Variants in SGCZ observed in about 807,000 individuals in gnomAD.
SGCZ encodes zeta-sarcoglycan.
Under a neutral mutation model 41.3 loss-of-function variants are expected in SGCZ, and 40 were observed. The ratio of observed to expected loss-of-function variants is 0.97; its 90% confidence interval spans 0.75 to 1.26. The LOEUF (loss-of-function observed/expected upper bound fraction) is 1.26, where lower values mean the gene tolerates loss of function less well. Among genes scored for constraint, SGCZ ranks in the 50% most tolerant of loss-of-function variants. The probability of loss-of-function intolerance (pLI) is 0.00; values close to 1 mark genes in which losing one functional copy is unlikely to be tolerated. For synonymous variants in SGCZ, 206 were observed against 137.5 expected (o/e 1.50, Z -3.49); for missense variants, 552 against 369.8 (o/e 1.49, Z -4.04).
chr8:14,586,004 G>C (rs1805045310), intron 1 of SGCZ, among the ~76,000 whole-genome samples: 1 of 151,916 alleles, frequency 6.6e-6, no homozygotes, highest in African/African-American at 2.4e-5. Context: ...AAAAAGAATG[G>C]GGGCAATCAT....
intron 4 of SGCZ, among the ~76,000 whole-genome samples, chr8:14,215,590 A>G (rs1483833350): frequency 6.6e-6 from 1 of 152,106 alleles, no homozygotes; most frequent in Non-Finnish European, 1.5e-5. Flanking sequence ...AATTTAAGCC[A>G]TTCAAGATTT....
At chr8:14,969,806 C>T (rs577617788) in intron 1 of SGCZ, among the ~76,000 whole-genome samples, 1 of 151,910 alleles carries the variant, frequency 6.6e-6, no homozygotes, top group South Asian at 2.1e-4. Context: ...CATAAGTTGG[C>T]GCTACTGCAA....
chr8:14,783,111 A>G (rs1800641088), intron 1 of SGCZ, among the ~76,000 whole-genome samples: 1 of 152,182 alleles, frequency 6.6e-6, no homozygotes, highest in African/African-American at 2.4e-5. Context: ...TGCAAATAAA[A>G]TAAATTAGGG....
intron 3 of SGCZ, among the ~76,000 whole-genome samples, chr8:14,294,690 A>G (rs1800953789): frequency 6.6e-6 from 1 of 152,134 alleles, no homozygotes; most frequent in South Asian, 2.1e-4. Flanking sequence ...ACTTGTATGT[A>G]GAATAGGTAG....
chr8:14,838,008 T>TA (rs941014017), intron 1 of SGCZ, among the ~76,000 whole-genome samples: 12 of 151,784 alleles, frequency 7.9e-5, no homozygotes, highest in Non-Finnish European at 1.6e-4. Context: ...TATTCAGCCA[T>TA]AAAAAAAAGA....
chr8:14,583,557 G>A (rs1365702788), intron 1 of SGCZ, among the ~76,000 whole-genome samples: 2 of 152,174 alleles, frequency 1.3e-5, no homozygotes, highest in East Asian at 3.9e-4. Context: ...TGCTTTTGAT[G>A]TTTTAGACAT....
chr8:14,463,873 G>T (rs1290337316), intron 2 of SGCZ, among the ~76,000 whole-genome samples: 1 of 147,384 alleles, frequency 6.8e-6, no homozygotes, highest in Non-Finnish European at 1.5e-5. Flanking sequence ...CATCAGTTGA[G>T]ATGATCATGT....
intron 1 of SGCZ, among the ~76,000 whole-genome samples, chr8:14,687,873 T>C (rs545622435): frequency 6.6e-6 from 1 of 152,326 alleles, no homozygotes; most frequent in East Asian, 1.9e-4. Context: ...CCTGACTTTT[T>C]AATGATTGTC....
intron 2 of SGCZ, among the ~76,000 whole-genome samples, chr8:14,533,466 T>C (rs1052662841): frequency 5.3e-5 from 8 of 152,050 alleles, no homozygotes; most frequent in Non-Finnish European, 1.0e-4. Context: ...TCTATGCTAA[T>C]GAGGAATGTG....
intron 2 of SGCZ, among the ~76,000 whole-genome samples, chr8:14,547,946 T>G (rs1326231368): frequency 6.6e-6 from 1 of 152,218 alleles, no homozygotes; most frequent in Admixed American, 6.6e-5. Flanking sequence ...GATTGTTTTA[T>G]GCTCAACCTT....
chr8:14,561,729 T>C (rs1311831542), intron 1 of SGCZ, among the ~76,000 whole-genome samples: 1 of 152,110 alleles, frequency 6.6e-6, no homozygotes, highest in Non-Finnish European at 1.5e-5. Context: ...TTTACTTGGA[T>C]CCTCCTGCAA....
intron 1 of SGCZ, among the ~76,000 whole-genome samples, chr8:15,018,105 TAAG>T (rs1803108283): frequency 6.6e-6 from 1 of 152,052 alleles, no homozygotes; most frequent in Non-Finnish European, 1.5e-5. Flanking sequence ...AAGAAACAAC[TAAG>T]AAGAAGTTAA....
chr8:14,414,596 G>A (rs1050939583), intron 2 of SGCZ, among the ~76,000 whole-genome samples: 2 of 151,908 alleles, frequency 1.3e-5, no homozygotes, highest in Non-Finnish European at 1.5e-5. Flanking sequence ...CTTAGTTTAA[G>A]GATAGCTGAG....
intron 1 of SGCZ, among the ~76,000 whole-genome samples, chr8:14,953,421 AC>A (rs756247180): frequency 1.3e-5 from 2 of 152,068 alleles, no homozygotes; most frequent in Non-Finnish European, 2.9e-5. Context: ...CTCCCCCAAA[AC>A]TGGGAATTAC....
At chr8:14,374,058 G>A (rs1479914879) in intron 2 of SGCZ, among the ~76,000 whole-genome samples, 1 of 152,172 alleles carries the variant, frequency 6.6e-6, no homozygotes, top group Non-Finnish European at 1.5e-5. Context: ...ATGGAGACTT[G>A]CTAGTTTAAA....
chr8:14,242,985 G>T (rs901843953), intron 3 of SGCZ, among the ~76,000 whole-genome samples: 2 of 152,208 alleles, frequency 1.3e-5, no homozygotes, highest in African/African-American at 4.8e-5. Flanking sequence ...AGCTTAAAGT[G>T]TAAGATATGA....
intron 3 of SGCZ, among the ~76,000 whole-genome samples, chr8:14,311,555 A>G (rs1278970951): frequency 6.6e-6 from 1 of 152,178 alleles, no homozygotes; most frequent in Non-Finnish European, 1.5e-5. Flanking sequence ...TTGAAAGAAT[A>G]TGACTACTAT....
At chr8:14,482,694 C>T (rs1801567305) in intron 2 of SGCZ, among the ~76,000 whole-genome samples, 1 of 151,936 alleles carries the variant, frequency 6.6e-6, no homozygotes, top group African/African-American at 2.4e-5. Context: ...GATGGCCCTC[C>T]CCAATGAGGG....
At chr8:15,096,296 C>G (rs887472186) in intron 1 of SGCZ, among the ~76,000 whole-genome samples, 8 of 151,864 alleles carry the variant, frequency 5.3e-5, no homozygotes, top group Non-Finnish European at 1.2e-4. Flanking sequence ...CCATATTGGC[C>G]AGGCTGGTCT....
Sources: allele counts gnomAD v4.1 joint callset (sites outside exome capture counted in the v4.1 genomes callset), GRCh38; gene constraint gnomAD v4.1.1; transcripts MANE v1.5; gene names NCBI Gene and HGNC (gene_info 2026-07-23, HGNC 2026-07-21).